Variants in ARHGAP10 observed in about 807,000 individuals in gnomAD.
ARHGAP10 encodes the protein rho GTPase-activating protein 10.
Under a neutral mutation model 108.6 loss-of-function variants are expected in ARHGAP10, and 87 were observed. The ratio of observed to expected loss-of-function variants is 0.80; its 90% CI spans 0.67 to 0.96. The LOEUF is 0.96. Ranked by LOEUF, ARHGAP10 falls within the 40% of genes least tolerant of loss-of-function variation. ARHGAP10 has a pLI of 0.00. For missense variants in ARHGAP10, 939 were observed against 954.5 expected (o/e 0.98, Z 0.21); for synonymous variants, 347 against 341.1 (o/e 1.02, Z -0.19).
intron 1 of ARHGAP10, among the ~76,000 whole-genome samples, chr4:147,800,348 G>A (rs978654277): frequency 1.3e-5 from 2 of 152,196 alleles, no homozygotes; most frequent in Admixed American, 6.5e-5. Context: ...ATGGAAGGGC[G>A]TCTTAGGCCC....
At chr4:147,915,680 C>T (rs1429724673) in intron 13 of ARHGAP10, among the ~76,000 whole-genome samples, 1 of 152,140 alleles carries the variant, frequency 6.6e-6, no homozygotes, top group African/African-American at 2.4e-5. Context: ...AAATAAGAGA[C>T]AAAAAGCATA....
chr4:147,738,552 C>A (rs534982948), intron 1 of ARHGAP10, among the ~76,000 whole-genome samples: 2 of 148,996 alleles, frequency 1.3e-5, no homozygotes, highest in Admixed American at 1.3e-4. Context: ...GACTCTGTCT[C>A]CCCCCCCCAA....
intron 1 of ARHGAP10, among the ~76,000 whole-genome samples, chr4:147,775,982 C>T (rs141292691): frequency 3.8e-3 from 584 of 152,178 alleles, no homozygotes; most frequent in Non-Finnish European, 6.4e-3. Context: ...ATGATGGCAC[C>T]GAGCACAAAG....
At chr4:148,008,739 C>G (rs1741051329) in intron 18 of ARHGAP10, among the ~76,000 whole-genome samples, 1 of 152,000 alleles carries the variant, frequency 6.6e-6, no homozygotes, top group African/African-American at 2.4e-5. Context: ...CACCTGAGAC[C>G]TTTTCAGGGT....
chr4:147,922,654 C>G (rs931185509), intron 13 of ARHGAP10, among the ~76,000 whole-genome samples: 10 of 143,054 alleles, frequency 7.0e-5, no homozygotes, highest in Non-Finnish European at 1.1e-4. Context: ...CGCCACTGCA[C>G]TCCAGCCTGG....
chr4:148,042,234 C>G (rs1276348020), intron 19 of ARHGAP10, among the ~76,000 whole-genome samples: 1 of 152,150 alleles, frequency 6.6e-6, no homozygotes, highest in African/African-American at 2.4e-5. Context: ...TCTCTCTCAC[C>G]CTTCACCTTT....
chr4:147,899,876 GTTTTT>G (rs5862818), intron 10 of ARHGAP10, among the ~76,000 whole-genome samples: 1 of 140,014 alleles, frequency 7.1e-6, no homozygotes, highest in Non-Finnish European at 1.6e-5. Context: ...TACGTGCTGG[GTTTTT>G]TTTTTTTTTT....
intron 1 of ARHGAP10, among the ~76,000 whole-genome samples, chr4:147,751,529 A>AT (rs1226915430): frequency 1.3e-5 from 2 of 151,140 alleles, no homozygotes; most frequent in Non-Finnish European, 3.0e-5. Flanking sequence ...ACGCCTGGCC[A>AT]TTTTTTTTGT....
intron 1 of ARHGAP10, among the ~76,000 whole-genome samples, chr4:147,740,831 T>G (rs1728624829): frequency 1.3e-5 from 2 of 152,212 alleles, no homozygotes; most frequent in South Asian, 4.1e-4. Flanking sequence ...TAAACATTCA[T>G]TTATTTTTCC....
At chr4:148,003,911 A>C (rs1740838726) in intron 18 of ARHGAP10, among the ~76,000 whole-genome samples, 1 of 152,162 alleles carries the variant, frequency 6.6e-6, no homozygotes, top group Non-Finnish European at 1.5e-5. Flanking sequence ...TAAATCAGCA[A>C]GTGAAGAACA....
chr4:147,882,891 A>T (rs1735387174), intron 10 of ARHGAP10, among the ~76,000 whole-genome samples: 1 of 152,230 alleles, frequency 6.6e-6, no homozygotes, highest in South Asian at 2.1e-4. Context: ...CAGTACAGTG[A>T]TTCCTTGCCA....
At chr4:147,894,269 T>C (rs1445594657) in intron 10 of ARHGAP10, among the ~76,000 whole-genome samples, 1 of 152,134 alleles carries the variant, frequency 6.6e-6, no homozygotes, top group Non-Finnish European at 1.5e-5. Context: ...TTACTAACCT[T>C]TGGTTATGTT....
chr4:147,881,348 A>G (rs569585684), intron 9 of ARHGAP10, among the ~76,000 whole-genome samples: 1 of 147,226 alleles, frequency 6.8e-6, no homozygotes, highest in Admixed American at 6.8e-5. Context: ...CTTAAGAATC[A>G]AGAGAATGGC....
At chr4:148,069,510 C>T (rs1480905628) in intron 22 of ARHGAP10, among the ~76,000 whole-genome samples, 2 of 152,188 alleles carry the variant, frequency 1.3e-5, no homozygotes, top group Non-Finnish European at 2.9e-5. Context: ...CCTTTCACCT[C>T]CAGCGTTGTA....
intron 5 of ARHGAP10, chr4:147,864,151 A>G: frequency 6.6e-6 from 1 of 152,246 alleles, no homozygotes; most frequent in South Asian, 2.1e-4. Flanking sequence ...TCTCTCCACT[A>G]TTCTCTGTGG....
Position 147,732,270 on chromosome 4 carries a change from G to GCCGTGCGCACCGCGCAGCGA in ARHGAP10, c.-28_-9dup, listed in dbSNP as rs763669269. ...AGCTCGGCTCGGGCAGGAGCGCGCG[G>GCCGTGCGCACCGCGCAGCGA]CCGTGCGCACCGCGCAGCGACCGCT... On this transcript the variant is annotated 5_prime_UTR_variant, in exon 1 of 23. Coordinates refer to ENST00000336498, the MANE Select transcript of ARHGAP10 (RefSeq NM_024605.4). 6 of 1,549,032 alleles carry GCCGTGCGCACCGCGCAGCGA rather than the reference G, an allele frequency of 3.9e-6. No individual in the cohort carries two copies. The highest frequency in any genetic ancestry group is 4.3e-6 in the Non-Finnish European group (5 of 1,155,252).
chr4:147,811,830 G>A (rs2126773185), intron 1 of ARHGAP10, among the ~76,000 whole-genome samples: 1 of 152,336 alleles, frequency 6.6e-6, no homozygotes, highest in African/African-American at 2.4e-5. Flanking sequence ...TCCAAAGCTA[G>A]CTTAGAGGAA....
At chr4:147,786,987 A>G (rs764904527) in intron 1 of ARHGAP10, among the ~76,000 whole-genome samples, 9 of 152,166 alleles carry the variant, frequency 5.9e-5, no homozygotes, top group Admixed American at 2.0e-4. Context: ...TCTTGGGAGC[A>G]TGTGATATGT....
chr4:147,876,989 G>A (rs927633292), intron 8 of ARHGAP10, among the ~76,000 whole-genome samples: 10 of 152,166 alleles, frequency 6.6e-5, no homozygotes, highest in African/African-American at 9.7e-5. Flanking sequence ...AATGTCTCCC[G>A]TAAATTGCTT....
Sources: allele counts gnomAD v4.1 joint callset (sites outside exome capture counted in the v4.1 genomes callset), GRCh38; gene constraint gnomAD v4.1.1; transcripts MANE v1.5; gene names NCBI Gene and HGNC (gene_info 2026-07-23, HGNC 2026-07-21).